RORA: variants seen among roughly 807,000 people sequenced by gnomAD.
RORA encodes nuclear receptor ROR-alpha.
A neutral mutation model predicts 69.5 loss-of-function variants in RORA; 7 were observed. That is an observed-to-expected ratio of 0.10 (90% CI 0.06 to 0.19). The LOEUF (loss-of-function observed/expected upper bound fraction) is 0.19. Among genes scored for constraint, RORA ranks in the 10% least tolerant of loss-of-function variants. The probability of loss-of-function intolerance (pLI) is 1.00; values close to 1 mark genes in which losing one functional copy is unlikely to be tolerated. For missense variants in RORA, 457 were observed against 663.0 expected, an observed-to-expected ratio of 0.69 and a Z score of 3.41; for synonymous variants, 261 against 240.8, an observed-to-expected ratio of 1.08 and a Z score of -0.78.
chr15:60,923,713 C>T (rs1215982717), intron 1 of RORA, among the ~76,000 whole-genome samples: 1 of 152,216 alleles, frequency 6.6e-6, no homozygotes, highest in East Asian at 1.9e-4. Context: ...TCCACAGCAA[C>T]AAAACTTTGT....
At chr15:61,027,871 T>C (rs1295987873) in intron 1 of RORA, among the ~76,000 whole-genome samples, 5 of 152,156 alleles carry the variant, frequency 3.3e-5, no homozygotes, top group Non-Finnish European at 7.4e-5. Context: ...TCTCCCAAGG[T>C]GGCTAGGAGA....
chr15:61,149,527 T>G (rs1389083165), intron 1 of RORA, among the ~76,000 whole-genome samples: 2 of 152,132 alleles, frequency 1.3e-5, no homozygotes, highest in African/African-American at 4.8e-5. Context: ...CTTTCCTATC[T>G]CCCTCCAGAA....
intron 2 of RORA, among the ~76,000 whole-genome samples, chr15:60,670,941 C>G (rs1179211144): frequency 6.6e-6 from 1 of 151,822 alleles, no homozygotes; most frequent in Admixed American, 6.6e-5. Context: ...GTTTTTATTC[C>G]TCTGCGTACA....
At chr15:61,151,646 G>C (rs2079399094) in intron 1 of RORA, among the ~76,000 whole-genome samples, 1 of 152,084 alleles carries the variant, frequency 6.6e-6, no homozygotes. Context: ...TGCTACTATT[G>C]ATCTGTGACA....
At chr15:60,781,146 G>C (rs548121813) in intron 1 of RORA, among the ~76,000 whole-genome samples, 1 of 152,110 alleles carries the variant, frequency 6.6e-6, no homozygotes, top group East Asian at 1.9e-4. Flanking sequence ...TGCATAGAAG[G>C]TATGCTGAGG....
intron 2 of RORA, among the ~76,000 whole-genome samples, chr15:60,585,745 TAAA>T (rs1165926281): frequency 6.6e-6 from 1 of 152,216 alleles, no homozygotes; most frequent in East Asian, 1.9e-4. Context: ...AGCTTTAAGT[TAAA>T]AATTTTTTTT....
chr15:60,625,870 A>G (rs571116630), intron 2 of RORA, among the ~76,000 whole-genome samples: 20 of 152,392 alleles, frequency 1.3e-4, no homozygotes, highest in African/African-American at 3.8e-4. Context: ...TGAATATTGT[A>G]TCATGTACCT....
At chr15:60,678,607 A>C (rs1348135505) in intron 2 of RORA, 50 bp downstream of exon 2, 20 of 1,418,950 alleles carry the variant, frequency 1.4e-5, no homozygotes, top group Non-Finnish European at 2.0e-5. Flanking sequence ...GACATATGCG[A>C]ATTCCAACTC....
intron 1 of RORA, among the ~76,000 whole-genome samples, chr15:61,197,422 G>A (rs941878559): frequency 3.9e-5 from 6 of 152,184 alleles, no homozygotes; most frequent in African/African-American, 1.4e-4. Flanking sequence ...AGCACCGCCG[G>A]TCATGTGGCT....
chr15:60,531,823 G>C lies in RORA; in HGVS notation c.225C>G (p.Ile75Met), dbSNP rs749458840. ...GGATTCCTGATGATTTGTCTCCACA[G>C]ATCTTGCATGGAATAATTTCAATTT... is the stretch of plus-strand genomic sequence containing the variant. ...TSQIEIIPCK[I>M]CGDKSSGIHY... Residue 75 changes from isoleucine (I) to methionine (M), a missense_variant, in exon 3 of 11, where the codon ATC (isoleucine) becomes ATG (methionine). Around this residue, in one of 3 missense-constraint regions of RORA, gnomAD observed 34 missense variants for 123.2 expected, o/e 0.28. Transcript: ENST00000335670. The surrounding 1 kb of genome is among the most constrained non-coding windows in gnomAD (Gnocchi z 4.8). The C allele has an allele frequency of 6.3e-7, 1 of 1,598,226 alleles. No homozygotes were observed. The highest frequency in any genetic ancestry group is 8.5e-7 in the Non-Finnish European group (1 of 1,174,102).
At chr15:60,885,182 T>C (rs1002698902) in intron 1 of RORA, among the ~76,000 whole-genome samples, 2 of 152,218 alleles carry the variant, frequency 1.3e-5, no homozygotes, top group Non-Finnish European at 2.9e-5. Context: ...GTGGAAGTGA[T>C]GCCATGCCCA....
intron 3 of RORA, among the ~76,000 whole-genome samples, chr15:60,522,323 G>GA (rs1298907553): frequency 2.6e-5 from 4 of 152,166 alleles, no homozygotes; most frequent in Admixed American, 1.3e-4. Context: ...CGGGTGGCTT[G>GA]AAAATGGCCA....
At chr15:60,894,876 A>T (rs1335662729) in intron 1 of RORA, among the ~76,000 whole-genome samples, 2 of 152,216 alleles carry the variant, frequency 1.3e-5, no homozygotes, top group East Asian at 3.8e-4. Flanking sequence ...GCACAGGCAC[A>T]GCAGGCAAGG....
chr15:61,200,652 T>C lies in RORA; in HGVS notation c.166+28401A>G, dbSNP rs551013446. ...GCACCTTGAAACACTCTAAGAAGTTTGGCTGACTCAGGAGGGCACAGGCTT... is the reference window on the plus strand; with the variant it reads ...GCACCTTGAAACACTCTAAGAAGTTCGGCTGACTCAGGAGGGCACAGGCTT... On this transcript the variant is annotated intron_variant, in intron 1 of 10. Transcript: ENST00000335670. Among the ~76,000 whole-genome samples, 548 of 152,354 alleles carry C rather than the reference T, an allele frequency of 3.6e-3. 13 individuals carry two copies. The highest frequency in any genetic ancestry group is 1.2e-3 in the Non-Finnish European group (79 of 68,036).
rs531849394 is a variant in RORA at position 60,586,288 on chromosome 15, T to G, written c.197-54437A>C. 4.6e-5 allele frequency among the ~76,000 whole-genome samples: 7 copies of G among 152,306 alleles called. No individual in the cohort carries two copies. In the East Asian group the frequency reaches 1.3e-3, roughly 29 times the overall value. On this transcript the variant is annotated intron_variant, in intron 2 of 10. Transcript: ENST00000335670. Reference sequence around the variant, plus strand: ...GTGCTGGGTTAAGTGCCAAGTCAATTATATCACAACTGGCACTTGGGGTCC... The same window carrying G: ...GTGCTGGGTTAAGTGCCAAGTCAATGATATCACAACTGGCACTTGGGGTCC...
intron 1 of RORA, among the ~76,000 whole-genome samples, chr15:60,830,783 G>A (rs560475112): frequency 4.5e-4 from 69 of 152,266 alleles, no homozygotes; most frequent in Non-Finnish European, 6.9e-4. Flanking sequence ...CAAGAAAACA[G>A]GCACAGAATG....
At chr15:61,044,683 G>A (rs146026658) in intron 1 of RORA, among the ~76,000 whole-genome samples, 2 of 151,922 alleles carry the variant, frequency 1.3e-5, no homozygotes, top group Admixed American at 6.6e-5. Context: ...TCATATATAC[G>A]CTATATTTCC....
chr15:60,865,442 G>T (rs1435149230), intron 1 of RORA, among the ~76,000 whole-genome samples: 1 of 152,166 alleles, frequency 6.6e-6, no homozygotes, highest in Non-Finnish European at 1.5e-5. Context: ...TAGAGCTGTG[G>T]TTTTTGCTTG....
chr15:60,522,501 C>T (rs2066202938), intron 3 of RORA, among the ~76,000 whole-genome samples: 2 of 152,102 alleles, frequency 1.3e-5, no homozygotes, highest in South Asian at 4.2e-4. Flanking sequence ...TGGCCCAATG[C>T]AGTGGCTCAT....
Sources: gnomAD v4.1 joint callset for allele counts (sites outside exome capture counted in the v4.1 genomes callset) on GRCh38, gnomAD v4.1.1 for gene constraint, gnomAD v4.1.1 regional missense constraint, Gnocchi (gnomAD v3.1) non-coding constraint, MANE v1.5 for transcripts, NCBI Gene and HGNC (gene_info 2026-07-23, HGNC 2026-07-21) for gene names.